The following TRDMT1 variants were observed in gnomAD, a reference collection of about 807,000 sequenced individuals.
TRDMT1 encodes tRNA (cytosine(38)-C(5))-methyltransferase.
In TRDMT1, 49 loss-of-function variants were observed where a neutral mutation model predicts 51.2. The observed-to-expected ratio is 0.96, with a 90% confidence interval of 0.76 to 1.21. The LOEUF (loss-of-function observed/expected upper bound fraction) is 1.21. TRDMT1 is among the 50% of genes most tolerant of loss of function. TRDMT1 has a pLI of 0.00. For missense variants in TRDMT1, 534 were observed against 462.3 expected (o/e 1.16, Z -1.42); for synonymous variants, 187 against 164.6 (o/e 1.14, Z -1.04).
intron 2 of TRDMT1, among the ~76,000 whole-genome samples, 158 bp downstream of exon 2, chr10:17,174,393 C>A (rs1178752328): frequency 6.6e-6 from 1 of 152,170 alleles, no homozygotes; most frequent in African/African-American, 2.4e-5. Flanking sequence ...AGCATGCTAT[C>A]TTCTGATAGG....
intron 1 of TRDMT1, among the ~76,000 whole-genome samples, chr10:17,194,965 CGCAGAT>C (rs1845206802): frequency 8.4e-6 from 1 of 119,424 alleles, no homozygotes; most frequent in Admixed American, 8.2e-5. Context: ...AAAAAAAAAA[CGCAGAT>C]GCTGGCAAGG....
intron 1 of TRDMT1, among the ~76,000 whole-genome samples, chr10:17,193,223 C>A (rs945888382): frequency 2.0e-5 from 3 of 152,104 alleles, no homozygotes; most frequent in African/African-American, 4.8e-5. Flanking sequence ...ATTAGCCAGG[C>A]ATGGTGGCGC....
chr10:17,150,385 C>T (rs1291263928), intron 10 of TRDMT1: 42 of 985,072 alleles, frequency 4.3e-5, no homozygotes, highest in Non-Finnish European at 4.8e-5. Context: ...AAGTACCCCA[C>T]GGGTGTTTTT....
intron 1 of TRDMT1, among the ~76,000 whole-genome samples, chr10:17,196,395 T>C (rs977383269): frequency 1.3e-5 from 2 of 152,246 alleles, no homozygotes; most frequent in Non-Finnish European, 2.9e-5. Context: ...AACCACACTT[T>C]ACTCTTCTCC....
chr10:17,153,448 C>A (rs1157780165), intron 10 of TRDMT1, 59 bp downstream of exon 10: 1 of 1,597,622 alleles, frequency 6.3e-7, no homozygotes, highest in East Asian at 2.2e-5. Flanking sequence ...ACACAAGTCC[C>A]TAAAGATTTT....
rs1476886049 is a variant in TRDMT1 at position 17,138,301 on chromosome 10, G to C, written c.*10739C>G. On this transcript the variant is annotated 3_prime_UTR_variant, in exon 11 of 11. Transcript: ENST00000377799. ...AATATAACGATCTTTTAACCTTCAT[G>C]ACACTTAATTCATTCTCTTTTTCAG... 1.3e-5 allele frequency among the ~76,000 whole-genome samples: 2 copies of C among 152,136 alleles called. No homozygotes were observed. Among genetic ancestry groups the C allele is most frequent in the African/African-American group, 2.4e-5 (1 of 41,420 alleles).
chr10:17,201,372 C>T, intron 1 of TRDMT1, 199 bp downstream of exon 1: 2 of 530,204 alleles, frequency 3.8e-6, no homozygotes, highest in Non-Finnish European at 6.5e-6. Flanking sequence ...GACTCGGCGC[C>T]AGGAGAAGGG....
At chr10:17,159,635 G>C (rs926475443) in intron 6 of TRDMT1, among the ~76,000 whole-genome samples, 2 of 152,038 alleles carry the variant, frequency 1.3e-5, no homozygotes, top group African/African-American at 2.4e-5. Flanking sequence ...CAAGCTAAAA[G>C]GCAATAAATA....
chr10:17,182,132 C>T (rs1843356658), intron 1 of TRDMT1, among the ~76,000 whole-genome samples: 1 of 152,196 alleles, frequency 6.6e-6, no homozygotes, highest in South Asian at 2.1e-4. Flanking sequence ...GTAGCTTGAT[C>T]TTTCTTACCA....
rs935241034 is a variant in TRDMT1 at position 17,140,944 on chromosome 10, G to A, written c.*8096C>T. Among the ~76,000 whole-genome samples, 1 of 151,856 alleles carries A rather than the reference G, an allele frequency of 6.6e-6. No homozygotes were observed. The highest frequency in any genetic ancestry group is 1.5e-5 in the Non-Finnish European group (1 of 67,980). On this transcript the variant is annotated 3_prime_UTR_variant, in exon 11 of 11. Transcript: ENST00000377799. The stretch of plus-strand genomic sequence containing the variant: ...CTAATTCCATGTTAACTACCTGCTC[G>A]CCCTAATAATTGTAAAGAGCTGCAT...
chr10:17,162,247 T>TAA lies in TRDMT1; in HGVS notation c.252-12_252-11dup, dbSNP rs61159799. 932 of 1,350,456 alleles carry TAA rather than the reference T, an allele frequency of 6.9e-4. No individual in the cohort carries two copies. The highest frequency in any genetic ancestry group is 1.3e-3 in the South Asian group (89 of 70,324). 83.7% of individuals were successfully genotyped at this position (1,350,456 alleles called of 1,614,324 possible). A position where few individuals can be genotyped will look rare whatever the true frequency, so the allele number is the denominator to read the frequency against. The stretch of plus-strand genomic sequence containing the variant: ...ACCCTGCCGGCCAATCCTAAAGGGG[T>TAA]AAAAAAAAAAAAAAACAAAAAAAAA... On this transcript the variant is annotated splice_polypyrimidine_tract_variant and intron_variant, in intron 3 of 10. Transcript: ENST00000377799.
rs181482974 is a variant in TRDMT1, at chr10:17,179,947, T to C, written c.65-5287A>G. ...TTCCCAGGATATTTATTACTTGTTT[T>C]CTCCAATTTGGAGGAGGATAGTCCC... is the stretch of plus-strand genomic sequence containing the variant. On this transcript the variant is annotated intron_variant, in intron 1 of 10. Coordinates refer to ENST00000377799, the MANE Select transcript of TRDMT1 (RefSeq NM_004412.7). Among the ~76,000 whole-genome samples the C allele has an allele frequency of 1.1e-3, 167 of 152,230 alleles. 1 individual carries two copies. The highest frequency in any genetic ancestry group is 2.0e-3 in the Admixed American group (31 of 15,290).
chr10:17,196,179 C>G (rs148584659), intron 1 of TRDMT1, among the ~76,000 whole-genome samples: 2 of 152,172 alleles, frequency 1.3e-5, no homozygotes, highest in African/African-American at 4.8e-5. Flanking sequence ...AAATGAGATG[C>G]TTAGCATTTT....
rs541245271 is a variant in TRDMT1 at position 17,143,922 on chromosome 10, C to T, written c.*5118G>A. The T allele has an allele frequency of 2.3e-4, 223 of 985,312 alleles. No homozygotes were observed. Among genetic ancestry groups the T allele is most frequent in the Middle Eastern group, 1.0e-3 (2 of 1,912 alleles). The allele number at this position is 985,312 out of a possible 1,614,324, so 61.0% of individuals were successfully genotyped here. ...GGTTGCAAGCATGCTAAATTTGATGCAAATCCGATACAACTTGAATAGCAA... is the reference window on the plus strand; with the variant it reads ...GGTTGCAAGCATGCTAAATTTGATGTAAATCCGATACAACTTGAATAGCAA... On this transcript the variant is annotated 3_prime_UTR_variant, in exon 11 of 11. Transcript: ENST00000377799.
In TRDMT1 at chr10:17,145,533, T is replaced by C. The variant is rs1391599007; in HGVS notation, c.*3507A>G. On this transcript the variant is annotated 3_prime_UTR_variant, in exon 11 of 11. Coordinates refer to ENST00000377799, the MANE Select transcript of TRDMT1 (RefSeq NM_004412.7). ...ATATGACCCTCACACAGTTTCAAAG[T>C]CCAAAGCTATTAGTAAGTCAGTGTC... 1 of 985,264 alleles carries C rather than the reference T, an allele frequency of 1.0e-6. No homozygotes were observed. The highest frequency in any genetic ancestry group is 1.2e-6 in the Non-Finnish European group (1 of 829,924). 61.0% of individuals were successfully genotyped at this position (985,264 alleles called of 1,614,324 possible).
rs1452903191 is a variant in TRDMT1, at chr10:17,146,934, TA to T, written c.*2105del. 1.0e-6 allele frequency: 1 copy of T among 985,300 alleles called. No homozygotes were observed. The highest frequency in any genetic ancestry group is 1.1e-4 in the East Asian group (1 of 8,826). 61.0% of individuals were successfully genotyped at this position (985,300 alleles called of 1,614,324 possible). On this transcript the variant is annotated 3_prime_UTR_variant, in exon 11 of 11. Coordinates refer to ENST00000377799, the MANE Select transcript of TRDMT1 (RefSeq NM_004412.7). Reference sequence around the variant, plus strand: ...TTACTGCATATTTTCAATTATGAATTAAGGGCAAGAATCACCGTCTTCCTGT... The same window carrying T: ...TTACTGCATATTTTCAATTATGAATTAGGGCAAGAATCACCGTCTTCCTGT...
In TRDMT1 at chr10:17,142,355, T is replaced by G. The variant is rs1459318247; in HGVS notation, c.*6685A>C. On this transcript the variant is annotated 3_prime_UTR_variant, in exon 11 of 11. Transcript: ENST00000377799. ...TATGAGTCCAGTGGTAATTTAGTTT[T>G]TAAAGCCTTTGCAGTGTTATTTTGG... is the stretch of plus-strand genomic sequence containing the variant. 6.6e-6 allele frequency: 1 copy of G among 152,270 alleles called. No homozygotes were observed. The highest frequency in any genetic ancestry group is 1.9e-4 in the East Asian group (1 of 5,202). The allele number at this position is 152,270 out of a possible 1,614,324, so 9.4% of individuals were successfully genotyped here. A position where few individuals can be genotyped will look rare whatever the true frequency, so the allele number is the denominator to read the frequency against.
chr10:17,162,120 G>T, intron 4 of TRDMT1, 46 bp downstream of exon 4: 1 of 1,503,394 alleles, frequency 6.7e-7, no homozygotes. Flanking sequence ...TCCAGACCTG[G>T]AGTTTCAAAT....
chr10:17,200,618 CTGTT>C (rs1458497842), intron 1 of TRDMT1: 1 of 165,702 alleles, frequency 6.0e-6, no homozygotes, highest in Non-Finnish European at 1.5e-5. Flanking sequence ...CCTTCAAAGC[CTGTT>C]TGTCATTCTG....
Sources: gnomAD v4.1 joint callset for allele counts (sites outside exome capture counted in the v4.1 genomes callset) on GRCh38, gnomAD v4.1.1 for gene constraint, MANE v1.5 for transcripts, NCBI Gene and HGNC (gene_info 2026-07-23, HGNC 2026-07-21) for gene names.